Variants in MMP20 observed in about 807,000 individuals in gnomAD.
MMP20 encodes the protein matrix metallopeptidase 20.
Under a neutral mutation model 51.8 loss-of-function variants are expected in MMP20, and 50 were observed. The observed-to-expected ratio is 0.97, with a 90% CI of 0.77 to 1.22. MMP20 has a LOEUF of 1.22. MMP20 is among the 50% of genes most tolerant of loss of function. MMP20 has a pLI of 0.00. For missense variants in MMP20, 663 were observed against 601.4 expected (o/e 1.10, Z -1.07); for synonymous variants, 244 against 216.2 (o/e 1.13, Z -1.13).
At position 102,579,026 on chromosome 11, in the gene MMP20, T is replaced by C. The variant is rs769468975; in HGVS notation, c.1351+13A>G. 1 of 1,579,474 alleles carries C rather than the reference T, an allele frequency of 6.3e-7. No individual in the cohort carries two copies. Among genetic ancestry groups the C allele is most frequent in the East Asian group, 2.2e-5 (1 of 44,690 alleles). On this transcript the variant is annotated intron_variant, in intron 9 of 9. Coordinates refer to ENST00000260228, the MANE Select transcript of MMP20 (RefSeq NM_004771.4). ...TAGTTTTCATGAAGAAAGTTTTCAG[T>C]GGAAACACTTACCATTTAATTCTAC...
At chr11:102,603,304 G>A (rs1276888978) in intron 6 of MMP20, among the ~76,000 whole-genome samples, 1 of 152,174 alleles carries the variant, frequency 6.6e-6, no homozygotes, top group Non-Finnish European at 1.5e-5. Context: ...AGAATTCTTT[G>A]TTCTTTGTCC....
At chr11:102,613,791 T>A (rs960282797) in intron 2 of MMP20, among the ~76,000 whole-genome samples, 1 of 152,160 alleles carries the variant, frequency 6.6e-6, no homozygotes, top group African/African-American at 2.4e-5. Context: ...GACAGACCCT[T>A]AAAGGGACTA....
At chr11:102,591,981 G>A (rs1859322694) in intron 8 of MMP20, among the ~76,000 whole-genome samples, 1 of 152,158 alleles carries the variant, frequency 6.6e-6, no homozygotes, top group Non-Finnish European at 1.5e-5. Flanking sequence ...TTCCCCCATT[G>A]AGAATCACAC....
intron 6 of MMP20, among the ~76,000 whole-genome samples, chr11:102,603,923 A>T (rs1859480201): frequency 6.6e-6 from 1 of 152,042 alleles, no homozygotes; most frequent in South Asian, 2.1e-4. Flanking sequence ...GTCTGTTATC[A>T]CCCTCAGTAT....
At chr11:102,586,544 T>C (rs776409423) in intron 8 of MMP20, among the ~76,000 whole-genome samples, 1 of 152,166 alleles carries the variant, frequency 6.6e-6, no homozygotes, top group Non-Finnish European at 1.5e-5. Context: ...CTGGGCACAG[T>C]GGCTCACACC....
chr11:102,577,782 C>T (rs1294212515), intron 9 of MMP20, among the ~76,000 whole-genome samples: 1 of 152,200 alleles, frequency 6.6e-6, no homozygotes, highest in African/African-American at 2.4e-5. Context: ...ATCTGAAGTC[C>T]TACTATAAAA....
chr11:102,583,412 A>G (rs1469476225), intron 8 of MMP20: 2 of 152,226 alleles, frequency 1.3e-5, no homozygotes, highest in Non-Finnish European at 2.9e-5. Context: ...TAAGATTATA[A>G]CACTGTATTT....
At chr11:102,615,866 C>A (rs923870101) in intron 2 of MMP20, among the ~76,000 whole-genome samples, 1 of 152,130 alleles carries the variant, frequency 6.6e-6, no homozygotes, top group African/African-American at 2.4e-5. Flanking sequence ...GACCTGCACC[C>A]ATCTGTCATG....
chr11:102,624,244 T>A (rs1014456158), intron 1 of MMP20, among the ~76,000 whole-genome samples: 2 of 152,168 alleles, frequency 1.3e-5, no homozygotes, highest in Non-Finnish European at 2.9e-5. Context: ...TGATCACAGA[T>A]GTGCTGTAAT....
chr11:102,592,736 C>G (rs1437980269), intron 8 of MMP20, among the ~76,000 whole-genome samples: 1 of 152,130 alleles, frequency 6.6e-6, no homozygotes, highest in Non-Finnish European at 1.5e-5. Context: ...AAACTGGGAA[C>G]AGAGGAAAGC....
At chr11:102,612,738 CTT>C (rs35861660) in intron 2 of MMP20, among the ~76,000 whole-genome samples, 7 of 127,180 alleles carry the variant, frequency 5.5e-5, no homozygotes, top group Admixed American at 1.7e-4. Context: ...TCTTTTCTTT[CTT>C]TTTTTTTTTT....
chr11:102,624,883 A>G (rs1407147017), intron 1 of MMP20, among the ~76,000 whole-genome samples: 4 of 152,084 alleles, frequency 2.6e-5, no homozygotes, highest in Non-Finnish European at 4.4e-5. Context: ...TTCCTCCTAC[A>G]TCATTCCCGG....
chr11:102,585,096 C>T (rs991064144), intron 8 of MMP20, among the ~76,000 whole-genome samples: 4 of 152,054 alleles, frequency 2.6e-5, no homozygotes, highest in African/African-American at 9.7e-5. Context: ...TTTGGCTATT[C>T]TAGGCCCGTG....
At chr11:102,578,415 G>T (rs1414086538) in intron 9 of MMP20, among the ~76,000 whole-genome samples, 1 of 152,184 alleles carries the variant, frequency 6.6e-6, no homozygotes, top group African/African-American at 2.4e-5. Flanking sequence ...GGAATTACAG[G>T]TGTGTGTCAC....
intron 3 of MMP20, among the ~76,000 whole-genome samples, 168 bp downstream of exon 3, chr11:102,611,587 T>C (rs967340733): frequency 2.6e-5 from 4 of 152,268 alleles, no homozygotes; most frequent in Non-Finnish European, 2.9e-5. Context: ...CCTTTGGTTC[T>C]ATTTTCTGGC....
At chr11:102,594,450 A>T (rs1859354953) in intron 7 of MMP20, among the ~76,000 whole-genome samples, 171 bp downstream of exon 7, 1 of 152,164 alleles carries the variant, frequency 6.6e-6, no homozygotes, top group Non-Finnish European at 1.5e-5. Context: ...CCATTGTTAC[A>T]CAATGTCGGG....
At position 102,600,954 on chromosome 11, in the gene MMP20, T is replaced by C. The variant is rs1164619658; in HGVS notation, c.953+5581A>G. 2.6e-5 allele frequency among the ~76,000 whole-genome samples: 4 copies of C among 152,060 alleles called. No homozygotes were observed. The East Asian group carries it at 7.7e-4, about 29-fold the overall frequency. ...CACTTAAAAAAAATACACCCTTTTT[T>C]CCCAGATTTATTTGGGATTTCACCA... On this transcript the variant is annotated intron_variant, in intron 6 of 9. Coordinates refer to ENST00000260228, the MANE Select transcript of MMP20 (RefSeq NM_004771.4).
In MMP20 at chr11:102,616,128, G is replaced by T. The variant is rs191259989; in HGVS notation, c.374+684C>A. On this transcript the variant is annotated intron_variant, in intron 2 of 9. Transcript: ENST00000260228. ...CCAGAGGATTAGGGGAGGGAAGAAA[G>T]AGGGCAGGGAAGGAGTGAGGGGAGC... Among the ~76,000 whole-genome samples the T allele has an allele frequency of 5.3e-5, 8 of 152,272 alleles. No homozygotes were observed. The East Asian group carries it at 1.4e-3, about 26-fold the overall frequency.
At chr11:102,595,996 C>G (rs1591613507) in intron 6 of MMP20, among the ~76,000 whole-genome samples, 2 of 152,288 alleles carry the variant, frequency 1.3e-5, no homozygotes, top group South Asian at 2.1e-4. Flanking sequence ...TTCAGTTAAT[C>G]TAACAAATAT....
Sources: allele counts gnomAD v4.1 joint callset (sites outside exome capture counted in the v4.1 genomes callset), GRCh38; gene constraint gnomAD v4.1.1; transcripts MANE v1.5; gene names NCBI Gene and HGNC (gene_info 2026-07-23, HGNC 2026-07-21).